KIAA0513: variants seen among roughly 807,000 people sequenced by gnomAD.
KIAA0513 encodes the protein uncharacterized protein KIAA0513.
KIAA0513 carries 39 observed loss-of-function variants against 56.5 expected under a neutral mutation model. That is an observed-to-expected ratio of 0.69 (90% CI 0.53 to 0.90). The LOEUF (loss-of-function observed/expected upper bound fraction) is 0.90, where lower values mean the gene tolerates loss of function less well. Among genes scored for constraint, KIAA0513 ranks in the 40% least tolerant of loss-of-function variants. The pLI, the probability that KIAA0513 is intolerant of heterozygous loss-of-function variation, is 0.00. For synonymous variants in KIAA0513, 268 were observed against 215.6 expected (o/e 1.24, Z -2.13); for missense variants, 591 against 535.2 (o/e 1.10, Z -1.03).
intron 1 of KIAA0513, among the ~76,000 whole-genome samples, chr16:85,033,626 G>T (rs2072996585): frequency 6.6e-6 from 1 of 151,992 alleles, no homozygotes; most frequent in Non-Finnish European, 1.5e-5. Context: ...TGAGCCCTCA[G>T]GGAGTTCATA....
chr16:85,031,589 T>C lies in KIAA0513; in HGVS notation c.-173+3731T>C, dbSNP rs548305140. Among the ~76,000 whole-genome samples the C allele has an allele frequency of 6.6e-5, 10 of 152,340 alleles. No homozygotes were observed. In the South Asian group the frequency reaches 2.1e-3, roughly 32 times the overall value. On this transcript the variant is annotated intron_variant, in intron 1 of 12. Transcript: ENST00000683363. Reference sequence around the variant, plus strand: ...TGCACAGGTGCTGACTGACCCTGCCTGTTTCTCCAGCTTCATTGACTGCTG... The same window carrying C: ...TGCACAGGTGCTGACTGACCCTGCCCGTTTCTCCAGCTTCATTGACTGCTG...
chr16:85,078,971 C>T lies in KIAA0513; in HGVS notation c.870C>T (p.Tyr290=), dbSNP rs1407209882. The change falls in exon 8 of 13, where the codon TAC becomes TAT. Residue 290 remains tyrosine, a synonymous_variant. Coordinates refer to ENST00000683363, the MANE Select transcript of KIAA0513 (RefSeq NM_001388359.1). ...PEDEKKGEKI[Y]LYTHLKQQPI... ...ACGAAAAGAAGGGGGAGAAGATCTA[C>T]CTGTACACGCACCTGAAGCAACAGC... 6.2e-6 allele frequency: 10 copies of T among 1,614,034 alleles called. No homozygotes were observed. Among genetic ancestry groups the T allele is most frequent in the East Asian group, 2.2e-5 (1 of 44,890 alleles).
intron 1 of KIAA0513, among the ~76,000 whole-genome samples, chr16:85,036,967 A>G (rs2073044330): frequency 6.6e-6 from 1 of 152,158 alleles, no homozygotes; most frequent in Admixed American, 6.5e-5. Flanking sequence ...TATTCCAGAA[A>G]CTTTCTCCTG....
At chr16:85,043,270 T>C (rs1212700674) in intron 1 of KIAA0513, among the ~76,000 whole-genome samples, 1 of 152,132 alleles carries the variant, frequency 6.6e-6, no homozygotes, top group Non-Finnish European at 1.5e-5. Flanking sequence ...ACAAGTTCTC[T>C]TACCCAGGTA....
At position 85,077,496 on chromosome 16, in the gene KIAA0513, G is replaced by C. The variant is rs756568295; in HGVS notation, c.646G>C (p.Ala216Pro). The change falls in exon 6 of 13, where the codon GCA becomes CCA. Residue 216 changes from alanine (A) to proline (P), a missense_variant. Ala to Pro is a conservative substitution (Grantham distance 27). Coordinates refer to ENST00000683363, the MANE Select transcript of KIAA0513 (RefSeq NM_001388359.1). ...AGSIDSYLKS[A>P]NSWLAEKKDI... ...CAGCATCGACTCCTACCTGAAATCCGCAAACAGCTGGCTGGCCGAAAAGAA... is the reference window on the plus strand; with the variant it reads ...CAGCATCGACTCCTACCTGAAATCCCCAAACAGCTGGCTGGCCGAAAAGAA... 3 of 1,614,044 alleles carry C rather than the reference G, an allele frequency of 1.9e-6. No individual in the cohort carries two copies. In the African/African-American group the frequency reaches 4.0e-5, roughly 22 times the overall value.
intron 4 of KIAA0513, among the ~76,000 whole-genome samples, chr16:85,074,767 C>A (rs1347803006): frequency 6.6e-6 from 1 of 152,118 alleles, no homozygotes; most frequent in Non-Finnish European, 1.5e-5. Context: ...TTTTATGAAA[C>A]ATTCTCTCAT....
In KIAA0513 at chr16:85,086,722, G is replaced by C. The variant is rs1459831173; in HGVS notation, c.1089G>C (p.Leu363=). 1 of 1,612,644 alleles carries C rather than the reference G, an allele frequency of 6.2e-7. No individual in the cohort carries two copies. The highest frequency in any genetic ancestry group is 1.7e-5 in the Admixed American group (1 of 59,892). ...ACGAGAACATCACCTTCGGGCAGCT[G>C]GGGTAAGGGCCAGAGTGGGAAAGCG... is the stretch of plus-strand genomic sequence containing the variant. ...RFNENITFGQ[L]GTFTHNMLAF... Residue 363 remains leucine, a splice_region_variant and synonymous_variant, in exon 11 of 13, where the codon CTG becomes CTC. Transcript: ENST00000683363.
chr16:85,037,621 C>T (rs533468077), intron 1 of KIAA0513, among the ~76,000 whole-genome samples: 28 of 152,226 alleles, frequency 1.8e-4, no homozygotes, highest in Non-Finnish European at 1.9e-4. Flanking sequence ...TAGTCTAATC[C>T]GCACTCTATT....
intron 1 of KIAA0513, among the ~76,000 whole-genome samples, chr16:85,038,697 G>C (rs2073066403): frequency 7.9e-6 from 1 of 125,878 alleles, no homozygotes; most frequent in Non-Finnish European, 1.6e-5. Context: ...GACAGAGCCA[G>C]ACTCAGCCTC....
intron 4 of KIAA0513, among the ~76,000 whole-genome samples, chr16:85,073,947 C>T (rs556572620): frequency 6.6e-6 from 1 of 150,892 alleles, no homozygotes; most frequent in African/African-American, 2.4e-5. Flanking sequence ...TCTCTTGTGT[C>T]GTTTTTTTTG....
At chr16:85,059,157 T>C (rs1369925460) in intron 1 of KIAA0513, among the ~76,000 whole-genome samples, 1 of 152,204 alleles carries the variant, frequency 6.6e-6, no homozygotes, top group Non-Finnish European at 1.5e-5. Flanking sequence ...CAGCCAAAAA[T>C]CTCTTTTTGG....
At position 85,076,515 on chromosome 16, in the gene KIAA0513, G is replaced by T. The variant is rs1243741393; in HGVS notation, c.574+601G>T. On this transcript the variant is annotated intron_variant, in intron 5 of 12. Transcript: ENST00000683363. The surrounding 1 kb of genome is among the most constrained non-coding windows in gnomAD (Gnocchi z 4.7). ...ACAGGACTCATTCAGGCCACCATAG[G>T]TGGGAGGTTGCTGGAAGCCTCCTCG... Among the ~76,000 whole-genome samples the T allele has an allele frequency of 2.0e-5, 3 of 152,212 alleles. No homozygotes were observed. The highest frequency in any genetic ancestry group is 2.9e-5 in the Non-Finnish European group (2 of 68,020).
chr16:85,044,979 G>A (rs1244934727), intron 1 of KIAA0513, among the ~76,000 whole-genome samples: 6 of 152,032 alleles, frequency 3.9e-5, no homozygotes, highest in African/African-American at 7.2e-5. Context: ...TTAGCCGGGC[G>A]TGGTGGTGGG....
intron 2 of KIAA0513, among the ~76,000 whole-genome samples, chr16:85,071,245 C>A (rs540101365): frequency 6.6e-6 from 1 of 152,136 alleles, no homozygotes; most frequent in African/African-American, 2.4e-5. Context: ...TGAGCAGCCT[C>A]GCTCCAGAAG....
chr16:85,050,263 A>C (rs2073231618), intron 1 of KIAA0513, among the ~76,000 whole-genome samples: 1 of 152,164 alleles, frequency 6.6e-6, no homozygotes, highest in African/African-American at 2.4e-5. Flanking sequence ...GTTGGGACTT[A>C]GGAGAACTTC....
At chr16:85,086,170 C>T (rs1273348515) in intron 10 of KIAA0513, among the ~76,000 whole-genome samples, 1 of 152,228 alleles carries the variant, frequency 6.6e-6, no homozygotes, top group Non-Finnish European at 1.5e-5. Context: ...GCCCATCAGG[C>T]TGGTCAGGAG....
At chr16:85,031,688 C>T (rs1198686154) in intron 1 of KIAA0513, among the ~76,000 whole-genome samples, 2 of 152,184 alleles carry the variant, frequency 1.3e-5, no homozygotes, top group African/African-American at 4.8e-5. Flanking sequence ...AGGACCTTTG[C>T]CTGGGCTGTT....
At chr16:85,080,683 A>G (rs546319710) in intron 8 of KIAA0513, among the ~76,000 whole-genome samples, 1 of 152,294 alleles carries the variant, frequency 6.6e-6, no homozygotes, top group African/African-American at 2.4e-5. Flanking sequence ...AATCCCAGCT[A>G]CTCAGGAGGC....
chr16:85,085,158 C>G (rs1038383919), intron 10 of KIAA0513, among the ~76,000 whole-genome samples: 1 of 152,204 alleles, frequency 6.6e-6, no homozygotes, highest in Admixed American at 6.5e-5. Flanking sequence ...GGACAACCCT[C>G]AGGGTGGCTG....
Sources: gnomAD v4.1 joint callset for allele counts (sites outside exome capture counted in the v4.1 genomes callset) on GRCh38, gnomAD v4.1.1 for gene constraint, Gnocchi (gnomAD v3.1) non-coding constraint, MANE v1.5 for transcripts, NCBI Gene and HGNC (gene_info 2026-07-23, HGNC 2026-07-21) for gene names.